COL6A6: variants seen among roughly 807,000 people sequenced by gnomAD.
The protein encoded by COL6A6 is collagen type VI alpha 6 chain, also known as collagen alpha-6(VI) chain.
COL6A6 carries 183 observed loss-of-function variants against 208.6 expected under a neutral mutation model. The ratio of observed to expected loss-of-function variants is 0.88; its 90% confidence interval spans 0.78 to 0.99. The LOEUF (loss-of-function observed/expected upper bound fraction) is 0.99, where lower values mean the gene tolerates loss of function less well. Among genes scored for constraint, COL6A6 ranks in the 50% least tolerant of loss-of-function variants. The pLI, the probability that COL6A6 is intolerant of heterozygous loss-of-function variation, is 0.00. For missense variants in COL6A6, 2,816 were observed against 2,815.2 expected (o/e 1.00, Z -0.01); for synonymous variants, 973 against 1,011.8 (o/e 0.96, Z 0.73).
chr3:130,597,224 T>G (rs928619705), intron 18 of COL6A6, among the ~76,000 whole-genome samples: 2 of 152,210 alleles, frequency 1.3e-5, no homozygotes, highest in African/African-American at 4.8e-5. Flanking sequence ...TATACCCTGC[T>G]TGGAGAACGT....
At chr3:130,641,801 G>C (rs2065319210) in intron 29 of COL6A6, 87 bp downstream of exon 29, 1 of 691,630 alleles carries the variant, frequency 1.4e-6, no homozygotes, top group African/African-American at 1.8e-5. Flanking sequence ...GTCCAAATGT[G>C]CATGCCTTCT....
At chr3:130,547,036 C>A (rs2062523579) in intron 1 of COL6A6, among the ~76,000 whole-genome samples, 1 of 152,338 alleles carries the variant, frequency 6.6e-6, no homozygotes, top group Non-Finnish European at 1.5e-5. Context: ...GCAGGTGGAG[C>A]TGCCCGCCAG....
intron 10 of COL6A6, among the ~76,000 whole-genome samples, chr3:130,584,913 C>T (rs2108023052): frequency 6.6e-6 from 1 of 152,148 alleles, no homozygotes; most frequent in Middle Eastern, 3.4e-3. Context: ...CGCACCCGGC[C>T]TCTTTCTTTC....
intron 31 of COL6A6, among the ~76,000 whole-genome samples, chr3:130,643,719 CA>C (rs2065383618): frequency 6.6e-6 from 1 of 152,136 alleles, no homozygotes; most frequent in Non-Finnish European, 1.5e-5. Context: ...TGTTCATCTA[CA>C]AATGCATAAT....
chr3:130,638,917 A>G (rs943164263), intron 28 of COL6A6, among the ~76,000 whole-genome samples: 1 of 152,034 alleles, frequency 6.6e-6, no homozygotes, highest in Non-Finnish European at 1.5e-5. Flanking sequence ...GTCCATTTTT[A>G]TCCATTTTCC....
intron 23 of COL6A6, among the ~76,000 whole-genome samples, chr3:130,619,743 T>C (rs1429490309): frequency 6.6e-6 from 1 of 151,974 alleles, no homozygotes; most frequent in Non-Finnish European, 1.5e-5. Context: ...ACTGTGGGCC[T>C]TGTAGCTGAG....
chr3:130,639,621 A>G (rs1162696549), intron 28 of COL6A6, among the ~76,000 whole-genome samples: 1 of 151,612 alleles, frequency 6.6e-6, no homozygotes, highest in Admixed American at 6.6e-5. Flanking sequence ...GAGCCCAGAA[A>G]GTCTTGGCTG....
chr3:130,607,553 A>G (rs1316016809), intron 21 of COL6A6, among the ~76,000 whole-genome samples: 1 of 152,232 alleles, frequency 6.6e-6, no homozygotes, highest in African/African-American at 2.4e-5. Context: ...CAATGGCAAC[A>G]TGGTGAGACT....
intron 19 of COL6A6, 108 bp from the exon 20 acceptor site, chr3:130,599,649 A>T: frequency 2.9e-6 from 3 of 1,039,548 alleles, no homozygotes; most frequent in East Asian, 2.5e-5. Flanking sequence ...TAACTCTCTC[A>T]TTGGTGTGTG....
chr3:130,649,254 GCCAGGCACCTT>G lies in COL6A6; in HGVS notation c.5426_5436del (p.Ala1809GlyfsTer17). 1.3e-6 allele frequency: 2 copies of G among 1,597,352 alleles called. No homozygotes were observed. The highest frequency in any genetic ancestry group is 4.5e-5 in the East Asian group (2 of 44,194). ...CGCCATCCTCTCCTATAACTCCCAC[GCCAGGCACCTT>G]GTGCGCTTCTCAGACGCCTACAAGA... is the stretch of plus-strand genomic sequence containing the variant. On this transcript the variant is annotated frameshift_variant, in exon 33 of 37. Coordinates refer to ENST00000358511, the MANE Select transcript of COL6A6 (RefSeq NM_001102608.3). LOFTEE classifies it high-confidence loss of function.
At chr3:130,588,917 C>CAAAAA (rs58377635) in intron 11 of COL6A6, among the ~76,000 whole-genome samples, 173 bp from the exon 12 acceptor site, 7 of 68,246 alleles carry the variant, frequency 1.0e-4, no homozygotes, top group South Asian at 4.7e-4. Context: ...AAGATGGAAG[C>CAAAAA]AAAAAAAAAA....
intron 33 of COL6A6, among the ~76,000 whole-genome samples, chr3:130,658,190 A>T (rs1396331): frequency 6.6e-6 from 1 of 152,018 alleles, no homozygotes; most frequent in African/African-American, 2.4e-5. Context: ...AGACTTAGGT[A>T]GGGGAGAGGA....
intron 1 of COL6A6, among the ~76,000 whole-genome samples, chr3:130,517,982 G>A (rs1710841348): frequency 6.6e-6 from 1 of 152,176 alleles, no homozygotes; most frequent in Non-Finnish European, 1.5e-5. Flanking sequence ...TACTCTGAGC[G>A]GAACCCCAAT....
rs398052265 is a variant in COL6A6, at chr3:130,561,634, C to CTTTTTT, written c.64+1230_64+1235dup. On this transcript the variant is annotated intron_variant, in intron 2 of 36. Coordinates refer to ENST00000358511, the MANE Select transcript of COL6A6 (RefSeq NM_001102608.3). Reference sequence around the variant, plus strand: ...CTTAGATGTTTTCTAGTTGAATCTACTTTTTTTTTTTTTTTTTTTTTTTTT... The same window carrying CTTTTTT: ...CTTAGATGTTTTCTAGTTGAATCTACTTTTTTTTTTTTTTTTTTTTTTTTTTTTTTT... Among the ~76,000 whole-genome samples, 15 of 75,974 alleles carry CTTTTTT rather than the reference C, an allele frequency of 2.0e-4. 1 individual carries two copies. The highest frequency in any genetic ancestry group is 7.5e-4 in the African/African-American group (13 of 17,400). 49.8% of individuals were successfully genotyped at this position (75,974 alleles called of 152,430 possible). A position where few individuals can be genotyped will look rare whatever the true frequency, so the allele number is the denominator to read the frequency against.
chr3:130,517,644 A>T (rs565666409), intron 1 of COL6A6, among the ~76,000 whole-genome samples: 22 of 152,366 alleles, frequency 1.4e-4, no homozygotes, highest in African/African-American at 5.3e-4. Flanking sequence ...AAGAACCTAC[A>T]GCACACTCTT....
intron 33 of COL6A6, among the ~76,000 whole-genome samples, chr3:130,652,191 A>C (rs982989316): frequency 6.6e-6 from 1 of 152,264 alleles, no homozygotes; most frequent in Non-Finnish European, 1.5e-5. Flanking sequence ...CAAATGCTGA[A>C]TGAATGAAAA....
At chr3:130,668,860 A>T (rs1482085991) in intron 36 of COL6A6, among the ~76,000 whole-genome samples, 2 of 152,248 alleles carry the variant, frequency 1.3e-5, no homozygotes, top group African/African-American at 2.4e-5. Flanking sequence ...ATTAGTAATG[A>T]TATAAAAGAT....
At chr3:130,544,321 T>G (rs1445608834) in intron 1 of COL6A6, among the ~76,000 whole-genome samples, 1 of 152,210 alleles carries the variant, frequency 6.6e-6, no homozygotes, top group Non-Finnish European at 1.5e-5. Context: ...TCATCCATGT[T>G]GTGGCAAATG....
At chr3:130,621,954 G>T in intron 24 of COL6A6, 71 bp downstream of exon 24, 2 of 1,305,664 alleles carry the variant, frequency 1.5e-6, no homozygotes, top group Non-Finnish European at 1.1e-6. Flanking sequence ...AATTGTATTA[G>T]CCAGGGCCCT....
Sources: gnomAD v4.1 joint callset for allele counts (sites outside exome capture counted in the v4.1 genomes callset) on GRCh38, gnomAD v4.1.1 for gene constraint, MANE v1.5 for transcripts, NCBI Gene and HGNC (gene_info 2026-07-23, HGNC 2026-07-21) for gene names.